The following GLRA2 variants were observed in gnomAD, a reference collection of about 807,000 sequenced individuals.
GLRA2 encodes the protein glycine receptor subunit alpha-2.
In GLRA2, 11 loss-of-function variants were observed where a neutral mutation model predicts 31.6. The observed-to-expected ratio is 0.35, with a 90% confidence interval of 0.22 to 0.58. GLRA2 has a LOEUF of 0.58. Ranked by LOEUF, GLRA2 falls within the 20% of genes least tolerant of loss-of-function variation. GLRA2 has a pLI of 0.84. For missense variants in GLRA2, 212 were observed against 351.8 expected (o/e 0.60, Z 3.18); for synonymous variants, 132 against 134.0 (o/e 0.99, Z 0.10).
chrX:14,593,087 T>G (rs2090161935), intron 4 of GLRA2, among the ~76,000 whole-genome samples: 1 of 112,253 alleles, frequency 8.9e-6, no homozygotes, highest in East Asian at 2.8e-4. Context: ...GCTCCCTGGA[T>G]GACATTAATA....
At chrX:14,572,100 C>T (rs920463800) in intron 2 of GLRA2, among the ~76,000 whole-genome samples, 1 of 111,645 alleles carries the variant, frequency 9.0e-6, no homozygotes, top group African/African-American at 3.3e-5. Context: ...TAGCACAGTG[C>T]AGCAATATAT....
chrX:14,538,384 A>G (rs1215740541), intron 2 of GLRA2, among the ~76,000 whole-genome samples: 1 of 111,493 alleles, frequency 9.0e-6, no homozygotes, highest in African/African-American at 3.3e-5. Context: ...CAATTCCACC[A>G]TTTTTCTTTC....
At chrX:14,530,170 G>A (rs779519750) in intron 1 of GLRA2, 45 bp downstream of exon 1, 1 of 765,632 alleles carries the variant, frequency 1.3e-6, no homozygotes, top group Admixed American at 2.2e-5. Context: ...TTGTTTAAAA[G>A]AGAATGTGTC....
At chrX:14,492,527 A>G in the GLRA2 span, among the ~76,000 whole-genome samples, 1 of 111,979 alleles carries the variant, frequency 8.9e-6, no homozygotes, top group Middle Eastern at 4.2e-3. Flanking sequence ...ATTAATCATT[A>G]AGGAAATGTA....
chrX:14,480,276 T>G, the GLRA2 span, among the ~76,000 whole-genome samples: 1 of 112,211 alleles, frequency 8.9e-6, no homozygotes, highest in Non-Finnish European at 1.9e-5. Flanking sequence ...CTTTGTCAGA[T>G]GCATAGTTTG....
At chrX:14,507,975 T>C in the GLRA2 span, among the ~76,000 whole-genome samples, 1 of 110,968 alleles carries the variant, frequency 9.0e-6, no homozygotes, top group African/African-American at 3.3e-5. Context: ...ATTACAGGCG[T>C]GAGCCACTGC....
intron 8 of GLRA2, among the ~76,000 whole-genome samples, chrX:14,705,370 A>G (rs1293100975): frequency 1.8e-5 from 2 of 111,908 alleles, no homozygotes; most frequent in African/African-American, 6.5e-5. Context: ...TTTAGTTCTC[A>G]CAACTTGGGG....
At chrX:14,702,583 T>A (rs1269166432) in intron 8 of GLRA2, among the ~76,000 whole-genome samples, 1 of 111,744 alleles carries the variant, frequency 8.9e-6, no homozygotes, top group East Asian at 2.8e-4. Flanking sequence ...AACACAGGTG[T>A]CTTATCATTG....
intron 7 of GLRA2, among the ~76,000 whole-genome samples, chrX:14,639,846 A>G (rs2090754181): frequency 8.9e-6 from 1 of 112,457 alleles, no homozygotes; most frequent in African/African-American, 3.2e-5. Flanking sequence ...AAACTTTATT[A>G]CTTGGCAGAA....
At chrX:14,575,304 G>A (rs1278306953) in intron 3 of GLRA2, among the ~76,000 whole-genome samples, 2 of 109,127 alleles carry the variant, frequency 1.8e-5, no homozygotes, top group South Asian at 4.0e-4. Context: ...AGGTTCAAGC[G>A]ATTCTTCCAC....
chrX:14,629,263 A>T (rs2090619551), intron 7 of GLRA2, among the ~76,000 whole-genome samples: 1 of 111,410 alleles, frequency 9.0e-6, no homozygotes, highest in African/African-American at 3.3e-5. Context: ...TAGAGAAGGA[A>T]GGCTGTGAGG....
chrX:14,560,642 C>T (rs1289121825), intron 2 of GLRA2, among the ~76,000 whole-genome samples: 2 of 109,146 alleles, frequency 1.8e-5, no homozygotes, highest in African/African-American at 6.7e-5. Context: ...AGACCCCCGT[C>T]TCTACAAACA....
the GLRA2 span, among the ~76,000 whole-genome samples, chrX:14,500,452 C>T: frequency 1.8e-5 from 2 of 112,494 alleles, no homozygotes; most frequent in Non-Finnish European, 3.8e-5. Context: ...CATGGTGATG[C>T]TAAACAGCCA....
At position 14,548,311 on chromosome X, in the gene GLRA2, T is replaced by C. The variant is rs138787987; in HGVS notation, c.202+15939T>C. The stretch of plus-strand genomic sequence containing the variant: ...CACTCATTCCCCATCTGCAATACTT[T>C]ATTGAATATATTTGTAACACAGCTG... On this transcript the variant is annotated intron_variant, in intron 2 of 8. Coordinates refer to ENST00000218075, the MANE Select transcript of GLRA2 (RefSeq NM_002063.4). Among the ~76,000 whole-genome samples the C allele has an allele frequency of 2.0e-4, 22 of 111,703 alleles. No individual in the cohort carries two copies. The East Asian group carries it at 5.9e-3, about 30-fold the overall frequency.
intron 7 of GLRA2, among the ~76,000 whole-genome samples, chrX:14,687,170 T>C (rs1569521975): frequency 8.9e-6 from 1 of 112,407 alleles, no homozygotes; most frequent in South Asian, 3.7e-4. Context: ...TGCCAAGAGA[T>C]CTGCTGTTAG....
At chrX:14,580,508 G>T (rs2090005193) in intron 3 of GLRA2, among the ~76,000 whole-genome samples, 1 of 111,750 alleles carries the variant, frequency 8.9e-6, no homozygotes, top group Non-Finnish European at 1.9e-5. Context: ...GAATGCCAGG[G>T]GTGTACCTAA....
chrX:14,657,924 T>C (rs894608816), intron 7 of GLRA2, among the ~76,000 whole-genome samples: 1 of 111,785 alleles, frequency 8.9e-6, no homozygotes, highest in Non-Finnish European at 1.9e-5. Flanking sequence ...TAATTCTATT[T>C]CATCTCTCTT....
At chrX:14,624,651 T>G (rs145689937) in intron 7 of GLRA2, among the ~76,000 whole-genome samples, 60 of 112,123 alleles carry the variant, frequency 5.4e-4, no homozygotes, top group African/African-American at 1.9e-3. Flanking sequence ...TTCCATGTAG[T>G]TGTGTGGTTC....
chrX:14,730,547 A>C lies in GLRA2; in HGVS notation c.*62A>C, dbSNP rs1265842369. 6 of 535,274 alleles carry C rather than the reference A, an allele frequency of 1.1e-5. No homozygotes were observed. The East Asian group carries it at 4.6e-4, about 41-fold the overall frequency. The allele number at this position is 535,274 out of a possible 1,213,427, so 44.1% of individuals were successfully genotyped here. On this transcript the variant is annotated 3_prime_UTR_variant, in exon 9 of 9. Coordinates refer to ENST00000218075, the MANE Select transcript of GLRA2 (RefSeq NM_002063.4). The stretch of plus-strand genomic sequence containing the variant: ...TGTTGTGCTTGTAAATACACAGTGA[A>C]ATTGTCTTTATATCACTTTGACAGA...
Sources: allele counts gnomAD v4.1 joint callset (sites outside exome capture counted in the v4.1 genomes callset), GRCh38; gene constraint gnomAD v4.1.1; transcripts MANE v1.5; gene names NCBI Gene and HGNC (gene_info 2026-07-23, HGNC 2026-07-21).